The following TRIM37 variants were observed in gnomAD, a reference collection of about 807,000 sequenced individuals.
TRIM37 encodes the protein E3 ubiquitin-protein ligase TRIM37.
In TRIM37, 80 loss-of-function variants were observed where a neutral mutation model predicts 129.8. The observed-to-expected ratio is 0.62, with a 90% CI of 0.51 to 0.74. The LOEUF (loss-of-function observed/expected upper bound fraction) is 0.74. Among genes scored for constraint, TRIM37 ranks in the 30% least tolerant of loss-of-function variants. The pLI is 0.00. For synonymous variants in TRIM37, 389 were observed against 387.1 expected (o/e 1.00, Z -0.06); for missense variants, 1,054 against 1,176.5 (o/e 0.90, Z 1.52).
At chr17:59,012,250 A>G in intron 22 of TRIM37, 78 bp downstream of exon 22, 1 of 833,796 alleles carries the variant, frequency 1.2e-6, no homozygotes, top group Non-Finnish European at 2.0e-6. Context: ...CACCACCACC[A>G]CCACCACCCA....
intron 4 of TRIM37, among the ~76,000 whole-genome samples, chr17:59,085,108 T>C (rs2043635232): frequency 6.6e-6 from 1 of 152,102 alleles, no homozygotes; most frequent in African/African-American, 2.4e-5. Flanking sequence ...GTGGAACACT[T>C]GAAGCCAGGA....
At chr17:59,092,577 T>C (rs1172057512) in intron 2 of TRIM37, among the ~76,000 whole-genome samples, 3 of 152,056 alleles carry the variant, frequency 2.0e-5, no homozygotes, top group Admixed American at 6.6e-5. Flanking sequence ...ATAAAGGAGA[T>C]GTTAAGATTT....
chr17:59,024,718 A>G (rs1362400037), intron 19 of TRIM37, among the ~76,000 whole-genome samples: 1 of 152,238 alleles, frequency 6.6e-6, no homozygotes, highest in Non-Finnish European at 1.5e-5. Context: ...TTTTGTAGAG[A>G]TTAAGGTCTT....
At chr17:59,028,894 A>T (rs1249163818) in intron 18 of TRIM37, among the ~76,000 whole-genome samples, 171 bp from the exon 19 acceptor site, 1 of 152,200 alleles carries the variant, frequency 6.6e-6, no homozygotes, top group East Asian at 1.9e-4. Context: ...AAAGAATCCT[A>T]CCTTATTCAC....
chr17:59,096,227 T>G (rs1395979704), intron 2 of TRIM37, among the ~76,000 whole-genome samples: 1 of 151,706 alleles, frequency 6.6e-6, no homozygotes, highest in Admixed American at 6.6e-5. Flanking sequence ...TTACTGTTAG[T>G]GTAACAGGAG....
intron 8 of TRIM37, among the ~76,000 whole-genome samples, chr17:59,072,206 G>C (rs1026743669): frequency 2.0e-5 from 3 of 152,068 alleles, no homozygotes; most frequent in Non-Finnish European, 4.4e-5. Context: ...CAAGGAGAGA[G>C]ACCTCAGAAG....
downstream of TRIM37, chr17:58,981,205 AAAG>A (rs1405175482): frequency 8.7e-6 from 5 of 576,068 alleles, no homozygotes; most frequent in Admixed American, 3.5e-5. Context: ...TTCAATCTAA[AAAG>A]AAGTATTGGC....
intron 2 of TRIM37, among the ~76,000 whole-genome samples, chr17:59,097,689 G>C (rs535874923): frequency 1.3e-5 from 2 of 152,096 alleles, no homozygotes; most frequent in Non-Finnish European, 2.9e-5. Context: ...AGCCATGATC[G>C]CATCACTGCA....
intron 24 of TRIM37, chr17:58,982,989 G>T: frequency 2.2e-6 from 3 of 1,349,194 alleles, no homozygotes; most frequent in Non-Finnish European, 3.1e-6. Context: ...GCTTAGCGAA[G>T]TAAAAAAAAA....
intron 2 of TRIM37, among the ~76,000 whole-genome samples, chr17:59,097,337 GA>G (rs905627228): frequency 6.6e-6 from 1 of 151,982 alleles, no homozygotes; most frequent in African/African-American, 2.4e-5. Context: ...AATTAAAAAA[GA>G]AGTGAAATTA....
chr17:59,019,983 C>A (rs1409304130), intron 19 of TRIM37, among the ~76,000 whole-genome samples: 1 of 152,030 alleles, frequency 6.6e-6, no homozygotes, highest in African/African-American at 2.4e-5. Context: ...GTAATCCCAG[C>A]ACTTCAGGAG....
chr17:59,019,034 C>G (rs1307059124), intron 19 of TRIM37, among the ~76,000 whole-genome samples: 2 of 152,130 alleles, frequency 1.3e-5, no homozygotes, highest in African/African-American at 4.8e-5. Flanking sequence ...ACCTGGAGCC[C>G]TCATATACTG....
the TRIM37 span, among the ~76,000 whole-genome samples, chr17:58,969,262 T>C: frequency 6.6e-6 from 1 of 152,172 alleles, no homozygotes; most frequent in South Asian, 2.1e-4. Context: ...GTTTCCATGG[T>C]ACAAGACAAC....
chr17:59,030,531 T>C (rs1425945321), intron 18 of TRIM37, among the ~76,000 whole-genome samples: 7 of 152,244 alleles, frequency 4.6e-5, no homozygotes, highest in Admixed American at 3.3e-4. Flanking sequence ...GCCCTCATTA[T>C]TGCCAGCATT....
At chr17:58,989,818 T>A (rs577559756) in intron 24 of TRIM37, among the ~76,000 whole-genome samples, 3 of 151,930 alleles carry the variant, frequency 2.0e-5, no homozygotes, top group Non-Finnish European at 4.4e-5. Context: ...AGAAGAAATA[T>A]TCGAAGAGAT....
At position 58,998,335 on chromosome 17, in the gene TRIM37, G is replaced by A. The variant is rs1380343779; in HGVS notation, c.*1042C>T. ...TCACTAAGTAAAATACAGCAGATGA[G>A]ATGTCTCTCACATGTATATTTAATT... On this transcript the variant is annotated 3_prime_UTR_variant, in exon 24 of 24. Transcript: ENST00000262294. 1 of 985,278 alleles carries A rather than the reference G, an allele frequency of 1.0e-6. No homozygotes were observed. The highest frequency in any genetic ancestry group is 1.1e-4 in the East Asian group (1 of 8,836). 61.0% of individuals were successfully genotyped at this position (985,278 alleles called of 1,614,324 possible).
chr17:59,093,185 G>T (rs1159749462), intron 2 of TRIM37, among the ~76,000 whole-genome samples: 1 of 152,002 alleles, frequency 6.6e-6, no homozygotes, highest in East Asian at 1.9e-4. Context: ...AAAGCCTATG[G>T]AAAAGGATTC....
intron 2 of TRIM37, among the ~76,000 whole-genome samples, chr17:59,096,335 T>A (rs1426540607): frequency 6.6e-6 from 1 of 151,798 alleles, no homozygotes; most frequent in East Asian, 1.9e-4. Flanking sequence ...GTGGATCACC[T>A]GGAGTCAGGA....
chr17:58,994,853 G>C (rs931644926), downstream of TRIM37, among the ~76,000 whole-genome samples: 8 of 151,588 alleles, frequency 5.3e-5, no homozygotes, highest in African/African-American at 1.9e-4. Context: ...GGGTTTAAGC[G>C]ATTCTCCTGC....
Sources: allele counts gnomAD v4.1 joint callset (sites outside exome capture counted in the v4.1 genomes callset), GRCh38; gene constraint gnomAD v4.1.1; transcripts MANE v1.5; gene names NCBI Gene and HGNC (gene_info 2026-07-23, HGNC 2026-07-21).